ITPKB: variants seen among roughly 807,000 people sequenced by gnomAD.
ITPKB encodes inositol-trisphosphate 3-kinase B, also known as IP3 3-kinase B.
In ITPKB, 13 loss-of-function variants were observed where a neutral mutation model predicts 69.4. The ratio of observed to expected loss-of-function variants is 0.19; its 90% confidence interval spans 0.12 to 0.30. ITPKB has a LOEUF of 0.30. Ranked by LOEUF, ITPKB falls within the 10% of genes least tolerant of loss-of-function variation. The pLI is 1.00. For missense variants in ITPKB, 1,240 were observed against 1,250.5 expected, an observed-to-expected ratio of 0.99 and a Z score of 0.13; for synonymous variants, 584 against 513.7, an observed-to-expected ratio of 1.14 and a Z score of -1.85.
rs1360709311 is a variant in ITPKB, at chr1:226,633,603, G to A, written c.*1068C>T. Reference sequence around the variant, plus strand: ...AGAAGCAGGAATCTAAGCCCTCCAGGCAGTAAGGCTTGTTTCAGAGGCAAT... The same window carrying A: ...AGAAGCAGGAATCTAAGCCCTCCAGACAGTAAGGCTTGTTTCAGAGGCAAT... On this transcript the variant is annotated 3_prime_UTR_variant, in exon 8 of 8. Coordinates refer to ENST00000429204, the MANE Select transcript of ITPKB (RefSeq NM_002221.4). The A allele has an allele frequency of 2.0e-5, 3 of 152,248 alleles. No homozygotes were observed. The East Asian group carries it at 5.8e-4, about 29-fold the overall frequency. 9.4% of individuals were successfully genotyped at this position (152,248 alleles called of 1,614,324 possible).
In ITPKB at chr1:226,677,683, C is replaced by T. The variant is rs577242330; in HGVS notation, c.1933-28912G>A. Among the ~76,000 whole-genome samples the T allele has an allele frequency of 5.9e-5, 9 of 152,332 alleles. No individual in the cohort carries two copies. The South Asian group carries it at 8.3e-4, about 14-fold the overall frequency. On this transcript the variant is annotated intron_variant, in intron 2 of 7. Coordinates refer to ENST00000429204, the MANE Select transcript of ITPKB (RefSeq NM_002221.4). ...AGATGGAGAAGCAAAGAGAAACTGACGGGAAAGGTGGAGAATTTCTCTTCC... is the reference window on the plus strand; with the variant it reads ...AGATGGAGAAGCAAAGAGAAACTGATGGGAAAGGTGGAGAATTTCTCTTCC...
intron 2 of ITPKB, among the ~76,000 whole-genome samples, chr1:226,705,701 G>A (rs1202911976): frequency 6.6e-6 from 1 of 152,182 alleles, no homozygotes; most frequent in Admixed American, 6.5e-5. Flanking sequence ...CCCATTCCGG[G>A]AGGCTAGGCT....
chr1:226,698,260 TCA>T (rs1312151552), intron 2 of ITPKB, among the ~76,000 whole-genome samples: 1 of 152,170 alleles, frequency 6.6e-6, no homozygotes, highest in Non-Finnish European at 1.5e-5. Context: ...ATGAGAAAGG[TCA>T]CAGACTCCTT....
chr1:226,737,513 G>T lies in ITPKB; in HGVS notation c.-55C>A. ...CGGCTCCCGCTCCTGCTCCGCCGCC[G>T]GCGCCTCCTCCTCCCGGCGCTCCCG... is the stretch of plus-strand genomic sequence containing the variant. On this transcript the variant is annotated 5_prime_UTR_variant, in exon 2 of 8. Coordinates refer to ENST00000429204, the MANE Select transcript of ITPKB (RefSeq NM_002221.4). 2.8e-6 allele frequency: 4 copies of T among 1,443,902 alleles called. No individual in the cohort carries two copies. The highest frequency in any genetic ancestry group is 3.6e-6 in the Non-Finnish European group (4 of 1,099,878). 89.4% of individuals were successfully genotyped at this position (1,443,902 alleles called of 1,614,324 possible). A position where few individuals can be genotyped will look rare whatever the true frequency, so the allele number is the denominator to read the frequency against.
At chr1:226,707,182 TTTTTTTA>T (rs1656822431) in intron 2 of ITPKB, 3 of 586,142 alleles carry the variant, frequency 5.1e-6, no homozygotes, top group African/African-American at 2.0e-5. Context: ...AAGTACAATC[TTTTTTTA>T]TTTTTTATTT....
chr1:226,673,800 T>G (rs1174610150), intron 2 of ITPKB, among the ~76,000 whole-genome samples: 2 of 152,248 alleles, frequency 1.3e-5, no homozygotes, highest in African/African-American at 4.8e-5. Context: ...TGTTTCCCAT[T>G]TAAGTTTTTC....
At chr1:226,677,045 C>T (rs1669747091) in intron 2 of ITPKB, among the ~76,000 whole-genome samples, 1 of 152,206 alleles carries the variant, frequency 6.6e-6, no homozygotes, top group Non-Finnish European at 1.5e-5. Context: ...GCAAACCCTC[C>T]TCCCAGAGCC....
intron 2 of ITPKB, among the ~76,000 whole-genome samples, chr1:226,713,193 T>C (rs1163122142): frequency 1.3e-5 from 2 of 152,142 alleles, no homozygotes; most frequent in Non-Finnish European, 2.9e-5. Context: ...ATTCGACCTC[T>C]TCGCATTTCT....
chr1:226,641,861 C>T lies in ITPKB; in HGVS notation c.2451+60G>A. 6.7e-7 allele frequency: 1 copy of T among 1,494,378 alleles called. No homozygotes were observed. The highest frequency in any genetic ancestry group is 2.3e-5 in the East Asian group (1 of 44,044). 92.6% of individuals were successfully genotyped at this position (1,494,378 alleles called of 1,614,324 possible). ...AGCTTCCAAAGGGCGCTGAGAGAAG[C>T]CAAGCCCCCTGAGGTGGGCACGGGT... is the stretch of plus-strand genomic sequence containing the variant. On this transcript the variant is annotated intron_variant, in intron 5 of 7. Coordinates refer to ENST00000429204, the MANE Select transcript of ITPKB (RefSeq NM_002221.4). The surrounding 1 kb of genome is among the most constrained non-coding windows in gnomAD (Gnocchi z 4.6).
At position 226,734,880 on chromosome 1, in the gene ITPKB, C is replaced by A. The variant is rs1657699542; in HGVS notation, c.1932+647G>T. On this transcript the variant is annotated intron_variant, in intron 2 of 7. Coordinates refer to ENST00000429204, the MANE Select transcript of ITPKB (RefSeq NM_002221.4). ...TACTGAAGAAACCATCTGCTTAGCTCAAAGTATGGTTTTCATTTAATTCAT... is the reference window on the plus strand; with the variant it reads ...TACTGAAGAAACCATCTGCTTAGCTAAAAGTATGGTTTTCATTTAATTCAT... Among the ~76,000 whole-genome samples the A allele has an allele frequency of 2.0e-5, 3 of 152,190 alleles. No homozygotes were observed. In the South Asian group the frequency reaches 6.2e-4, roughly 32 times the overall value.
At chr1:226,710,451 G>C (rs1228501117) in intron 2 of ITPKB, among the ~76,000 whole-genome samples, 1 of 152,186 alleles carries the variant, frequency 6.6e-6, no homozygotes, top group Non-Finnish European at 1.5e-5. Context: ...CCTTTCTTCT[G>C]CAGGGTTTCT....
chr1:226,685,391 C>G (rs1171783491), intron 2 of ITPKB, among the ~76,000 whole-genome samples: 2 of 152,236 alleles, frequency 1.3e-5, no homozygotes, highest in East Asian at 3.9e-4. Context: ...CCGCCACATT[C>G]TCTCGGGTTT....
chr1:226,659,029 G>A (rs2102755447), intron 2 of ITPKB, among the ~76,000 whole-genome samples: 1 of 152,294 alleles, frequency 6.6e-6, no homozygotes, highest in Admixed American at 6.5e-5. Context: ...GCTGAAGGCT[G>A]GAGCTCCCAA....
At chr1:226,651,588 G>A (rs1669195670) in intron 2 of ITPKB, among the ~76,000 whole-genome samples, 1 of 152,194 alleles carries the variant, frequency 6.6e-6, no homozygotes, top group Non-Finnish European at 1.5e-5. Flanking sequence ...GCCTGGGGCA[G>A]GGTCATGCCC....
intron 2 of ITPKB, among the ~76,000 whole-genome samples, chr1:226,661,416 G>A (rs542079628): frequency 4.3e-4 from 66 of 152,358 alleles, no homozygotes; most frequent in Non-Finnish European, 8.4e-4. Context: ...GAGGCACAGA[G>A]TCATGAGACA....
At chr1:226,734,657 G>C (rs771433467) in intron 2 of ITPKB, among the ~76,000 whole-genome samples, 3 of 152,176 alleles carry the variant, frequency 2.0e-5, no homozygotes, top group Middle Eastern at 3.2e-3. Flanking sequence ...CCTCCTAAGA[G>C]TAAAAGCAGC....
chr1:226,722,172 A>T (rs12039991), intron 2 of ITPKB, among the ~76,000 whole-genome samples: 26,907 of 152,206 alleles, frequency 0.18, 2,775 homozygotes, highest in Non-Finnish European at 0.23. Context: ...CCCAAACTAC[A>T]GTCAGAGGCC....
chr1:226,696,531 C>T (rs190481179), intron 2 of ITPKB, among the ~76,000 whole-genome samples: 1 of 152,290 alleles, frequency 6.6e-6, no homozygotes, highest in East Asian at 1.9e-4. Flanking sequence ...GTATTTTCTA[C>T]TGTTTTCTGA....
At chr1:226,663,572 G>A (rs1344997373) in intron 2 of ITPKB, among the ~76,000 whole-genome samples, 3 of 151,898 alleles carry the variant, frequency 2.0e-5, no homozygotes, top group Non-Finnish European at 4.4e-5. Context: ...AGTCAGTGGC[G>A]CAATCACGGC....
Sources: gnomAD v4.1 joint callset for allele counts (sites outside exome capture counted in the v4.1 genomes callset) on GRCh38, gnomAD v4.1.1 for gene constraint, Gnocchi (gnomAD v3.1) non-coding constraint, MANE v1.5 for transcripts, NCBI Gene and HGNC (gene_info 2026-07-23, HGNC 2026-07-21) for gene names.